WDFY4: variants seen among roughly 807,000 people sequenced by gnomAD.
The protein encoded by WDFY4 is WDFY family member 4.
WDFY4 carries 169 observed loss-of-function variants against 351.9 expected under a neutral mutation model. The observed-to-expected ratio is 0.48, with a 90% CI of 0.42 to 0.55. WDFY4 has a LOEUF of 0.55. Ranked by LOEUF, WDFY4 falls within the 20% of genes least tolerant of loss-of-function variation. The pLI, the probability that WDFY4 is intolerant of heterozygous loss-of-function variation, is 0.00. For missense variants in WDFY4, 3,803 were observed against 3,935.6 expected, an observed-to-expected ratio of 0.97 and a Z score of 0.90; for synonymous variants, 1,622 against 1,574.6, an observed-to-expected ratio of 1.03 and a Z score of -0.71.
intron 60 of WDFY4, among the ~76,000 whole-genome samples, chr10:48,979,106 A>T (rs532980102): frequency 6.6e-6 from 1 of 152,214 alleles, no homozygotes; most frequent in Non-Finnish European, 1.5e-5. Context: ...CCTTCCTTCA[A>T]GATAACACCT....
chr10:48,872,945 C>T (rs1276996881), intron 40 of WDFY4, among the ~76,000 whole-genome samples: 61 of 152,184 alleles, frequency 4.0e-4, no homozygotes, highest in Admixed American at 3.8e-3. Context: ...TCTGTCATTT[C>T]GTTGGAGATT....
At chr10:48,907,381 T>C (rs1328996661) in intron 47 of WDFY4, among the ~76,000 whole-genome samples, 1 of 152,200 alleles carries the variant, frequency 6.6e-6, no homozygotes, top group East Asian at 1.9e-4. Context: ...GAGATGGTGC[T>C]TGTATTCAGG....
intron 20 of WDFY4, among the ~76,000 whole-genome samples, chr10:48,787,882 CTT>C (rs768050358): frequency 4.7e-5 from 4 of 85,156 alleles, no homozygotes; most frequent in Admixed American, 4.3e-4. Context: ...TTCTTTCTTT[CTT>C]CTTCTTCTCC....
chr10:48,831,884 T>C (rs2068201785), intron 38 of WDFY4, among the ~76,000 whole-genome samples: 2 of 152,226 alleles, frequency 1.3e-5, no homozygotes, highest in African/African-American at 4.8e-5. Flanking sequence ...TTCAGCTTTT[T>C]TATAAGACAC....
chr10:48,909,495 A>G (rs61848083), intron 47 of WDFY4: 20,096 of 152,144 alleles, frequency 0.13, 1,480 homozygotes, highest in Middle Eastern at 0.22. Flanking sequence ...TATAAAGAAA[A>G]GAAGTTTATT....
intron 35 of WDFY4, chr10:48,824,294 G>A: frequency 1.6e-6 from 1 of 628,592 alleles, no homozygotes; most frequent in African/African-American, 2.0e-5. Flanking sequence ...CGTCTATGGT[G>A]TTTTTATGAC....
Position 48,731,142 on chromosome 10 carries a change from G to T in WDFY4, c.1162G>T (p.Val388Phe), listed in dbSNP as rs1313505810. 1 of 1,549,902 alleles carries T rather than the reference G, an allele frequency of 6.5e-7. No homozygotes were observed. Among genetic ancestry groups the T allele is most frequent in the Non-Finnish European group, 8.7e-7 (1 of 1,145,634 alleles). Residue 388 changes from valine (V) to phenylalanine (F), a missense_variant, in exon 9 of 62, where the codon GTC (valine) becomes TTC (phenylalanine). This residue lies in a region of WDFY4 where 488 missense variants were observed against 456.8 expected (regional missense o/e 1.07). Transcript: ENST00000325239. ...TGTTAAGAATCTTCAGGCCTTCCAG[G>T]TCCTACAGAATGTTTTCCACAAAGC... ...VTVKNLQAFQ[V>F]LQNVFHKASD...
At position 48,890,479 on chromosome 10, in the gene WDFY4, A is replaced by G; in HGVS notation, c.7168-100A>G. On this transcript the variant is annotated intron_variant, in intron 43 of 61. Transcript: ENST00000325239. ...CATACAAGGCACTGCTCTCACCTCC[A>G]ATTGCCCCATGGATGGCTGGTCACT... 4 of 1,423,192 alleles carry G rather than the reference A, an allele frequency of 2.8e-6. No homozygotes were observed. In the South Asian group the frequency reaches 5.3e-5, roughly 19 times the overall value. 88.2% of individuals were successfully genotyped at this position (1,423,192 alleles called of 1,614,324 possible). A position where few individuals can be genotyped will look rare whatever the true frequency, so the allele number is the denominator to read the frequency against.
rs201884854 is a variant in WDFY4, at chr10:48,780,068, G to A, written c.3525G>A (p.Arg1175=). ...TGGTTGTCACTAAGGAAATGAAAAGGCATTGTACAGTTTCCACCTGTCTGG... is the reference window on the plus strand; with the variant it reads ...TGGTTGTCACTAAGGAAATGAAAAGACATTGTACAGTTTCCACCTGTCTGG... The part of the protein sequence containing the change: ...LAVVVTKEMK[R]HCTVSTCLDG... Residue 1175 remains arginine, a synonymous_variant, in exon 19 of 62, where the codon AGG becomes AGA. Transcript: ENST00000325239. 553 of 1,552,026 alleles carry A rather than the reference G, an allele frequency of 3.6e-4. 2 individuals carry two copies. Among genetic ancestry groups the A allele is most frequent in the Middle Eastern group, 8.3e-4 (5 of 5,994 alleles).
intron 47 of WDFY4, chr10:48,909,586 T>C (rs1412509474): frequency 6.6e-6 from 1 of 152,122 alleles, no homozygotes; most frequent in East Asian, 1.9e-4. Context: ...CTTCCACTCA[T>C]GGTGGAAGGT....
chr10:48,854,360 C>T (rs900448336), intron 39 of WDFY4, among the ~76,000 whole-genome samples: 6 of 152,080 alleles, frequency 3.9e-5, no homozygotes, highest in African/African-American at 7.2e-5. Context: ...CCGCCCACCT[C>T]GGCCTCCCAA....
intron 56 of WDFY4, 29 bp from the exon 57 acceptor site, chr10:48,970,102 G>A: frequency 1.3e-6 from 2 of 1,549,330 alleles, no homozygotes; most frequent in Non-Finnish European, 1.7e-6. Flanking sequence ...TGTCTCCACA[G>A]CAGCGCTCAT....
rs146262581 is a variant in WDFY4, at chr10:48,923,165, A to G, written c.7587-18641A>G. 7.4e-3 allele frequency among the ~76,000 whole-genome samples: 1,121 copies of G among 152,246 alleles called. 15 individuals are homozygous for G. Among genetic ancestry groups the G allele is most frequent in the African/African-American group, 0.026 (1,073 of 41,544 alleles). The stretch of plus-strand genomic sequence containing the variant: ...GTCTGTGATTTTGTTAAGCCCCCAC[A>G]CAACCAGTTCTGCCCCTGAAAGGGC... On this transcript the variant is annotated intron_variant, in intron 47 of 61. Transcript: ENST00000325239.
chr10:48,857,236 C>A (rs2069165251), intron 39 of WDFY4, among the ~76,000 whole-genome samples: 1 of 152,020 alleles, frequency 6.6e-6, no homozygotes, highest in South Asian at 2.1e-4. Context: ...GCAGACTTCC[C>A]ATTTTATCAC....
intron 40 of WDFY4, among the ~76,000 whole-genome samples, chr10:48,871,020 G>A (rs575764345): frequency 7.9e-4 from 120 of 152,020 alleles, no homozygotes; most frequent in African/African-American, 2.7e-3. Flanking sequence ...TGCAAGTTCC[G>A]CCTTCCCGGT....
intron 30 of WDFY4, among the ~76,000 whole-genome samples, chr10:48,813,173 A>T (rs367809563): frequency 6.6e-6 from 1 of 152,236 alleles, no homozygotes; most frequent in South Asian, 2.1e-4. Flanking sequence ...GAGTTGAGTT[A>T]AACCTAACTG....
At chr10:48,707,084 G>C (rs150256480) in intron 1 of WDFY4, among the ~76,000 whole-genome samples, 86 of 152,258 alleles carry the variant, frequency 5.6e-4, no homozygotes, top group African/African-American at 1.9e-3. Flanking sequence ...GCAAGAGAAA[G>C]ACAAGCAAGG....
At chr10:48,831,309 A>G (rs184178213) in intron 38 of WDFY4, among the ~76,000 whole-genome samples, 1 of 152,340 alleles carries the variant, frequency 6.6e-6, no homozygotes, top group East Asian at 1.9e-4. Context: ...CAAAATATTA[A>G]TGTCCCTTGC....
chr10:48,777,111 G>A (rs2132634586), intron 16 of WDFY4, 127 bp downstream of exon 16: 1 of 1,230,508 alleles, frequency 8.1e-7, no homozygotes, highest in East Asian at 2.6e-5. Context: ...GAAAATGTCT[G>A]GGTCATGGAC....
Sources: gnomAD v4.1 joint callset for allele counts (sites outside exome capture counted in the v4.1 genomes callset) on GRCh38, gnomAD v4.1.1 for gene constraint, gnomAD v4.1.1 regional missense constraint, MANE v1.5 for transcripts, NCBI Gene and HGNC (gene_info 2026-07-23, HGNC 2026-07-21) for gene names.